TRAK1: variants seen among roughly 807,000 people sequenced by gnomAD.
TRAK1 encodes trafficking kinesin protein 1.
A neutral mutation model predicts 92.1 loss-of-function variants in TRAK1; 33 were observed. The ratio of observed to expected loss-of-function variants is 0.36; its 90% CI spans 0.27 to 0.48. The LOEUF (loss-of-function observed/expected upper bound fraction) is 0.48, where lower values mean the gene tolerates loss of function less well. TRAK1 is among the 20% of genes least tolerant of loss of function. TRAK1 has a pLI of 0.99. For missense variants in TRAK1, 1,123 were observed against 1,257.9 expected, an observed-to-expected ratio of 0.89 and a Z score of 1.62; for synonymous variants, 521 against 517.3, an observed-to-expected ratio of 1.01 and a Z score of -0.10.
rs540338355 is a variant in TRAK1, at chr3:42,104,824, C to T, written c.91+13264C>T. Among the ~76,000 whole-genome samples, 149 of 152,190 alleles carry T rather than the reference C, an allele frequency of 9.8e-4. 1 individual carries two copies. The Middle Eastern group carries it at 0.014, about 14-fold the overall frequency. On this transcript the variant is annotated intron_variant, in intron 1 of 15. Transcript: ENST00000327628. ...AAGGAATGCAGCTCCTCGCCAGCAACGGAACAAAGCTGGACAGAGAATGAC... is the reference window on the plus strand; with the variant it reads ...AAGGAATGCAGCTCCTCGCCAGCAATGGAACAAAGCTGGACAGAGAATGAC...
intron 1 of TRAK1, among the ~76,000 whole-genome samples, chr3:42,106,192 C>T (rs1260573148): frequency 6.6e-6 from 1 of 151,816 alleles, no homozygotes; most frequent in Non-Finnish European, 1.5e-5. Context: ...ATGTAAATGG[C>T]CTAAATGCCC....
intron 1 of TRAK1, among the ~76,000 whole-genome samples, chr3:42,058,085 T>C (rs1336532856): frequency 6.6e-6 from 1 of 152,200 alleles, no homozygotes; most frequent in African/African-American, 2.4e-5. Context: ...TGGCTGCTGC[T>C]TCTCTTACTG....
At chr3:42,035,879 GA>G (rs778731504) in intron 1 of TRAK1, among the ~76,000 whole-genome samples, 3 of 152,168 alleles carry the variant, frequency 2.0e-5, no homozygotes, top group Non-Finnish European at 4.4e-5. Flanking sequence ...CCTATATAGA[GA>G]ACTCTGCCCA....
intron 2 of TRAK1, among the ~76,000 whole-genome samples, chr3:42,158,961 A>AAAT (rs4016239): frequency 0.048 from 6,704 of 140,096 alleles, 174 homozygotes; most frequent in South Asian, 0.054. Flanking sequence ...TCTGTCTCAA[A>AAAT]AATAATAATA....
At position 42,225,464 on chromosome 3, in the gene TRAK1, G is replaced by A. The variant is rs1710686342; in HGVS notation, c.*1727G>A. 1 of 152,196 alleles carries A rather than the reference G, an allele frequency of 6.6e-6. No individual in the cohort carries two copies. Among genetic ancestry groups the A allele is most frequent in the South Asian group, 2.1e-4 (1 of 4,832 alleles). The allele number at this position is 152,196 out of a possible 1,614,324, so 9.4% of individuals were successfully genotyped here. On this transcript the variant is annotated 3_prime_UTR_variant, in exon 16 of 16. Transcript: ENST00000327628. ...CAGCTCTCCCTGCTGTTGTATGTGT[G>A]CATTCACTGCAAGTAACTTATATCT...
intron 1 of TRAK1, among the ~76,000 whole-genome samples, chr3:42,039,786 G>T (rs1027769149): frequency 1.3e-5 from 2 of 152,198 alleles, no homozygotes; most frequent in African/African-American, 2.4e-5. Context: ...GTTGGTCATA[G>T]AGGGACTGCC....
In TRAK1 at chr3:42,091,403, G is replaced by A; in HGVS notation, c.-67G>A. 6.7e-7 allele frequency: 1 copy of A among 1,482,654 alleles called. No individual in the cohort carries two copies. The highest frequency in any genetic ancestry group is 9.3e-7 in the Non-Finnish European group (1 of 1,073,878). 91.8% of individuals were successfully genotyped at this position (1,482,654 alleles called of 1,614,324 possible). A position where few individuals can be genotyped will look rare whatever the true frequency, so the allele number is the denominator to read the frequency against. ...CGGGAGGGTGGCTGTGCGAGGTACT[G>A]CCGGGGCTGAGCTCTCATGGAGGCT... On this transcript the variant is annotated 5_prime_UTR_variant, in exon 1 of 16. Transcript: ENST00000327628.
chr3:42,219,555 C>T lies in TRAK1; in HGVS notation c.2025C>T (p.Arg675=), dbSNP rs1209931539. The change falls in exon 15 of 16, where the codon CGC becomes CGT. Residue 675 remains arginine, a synonymous_variant. Transcript: ENST00000327628. The part of the protein sequence containing the change: ...TNSTFTFTTC[R]ILHPSDELTR... Reference sequence around the variant, plus strand: ...CCACCTTCACCTTCACCACCTGTCGCATCCTGCATCCTTCAGATGAGCTCA... The same window carrying T: ...CCACCTTCACCTTCACCACCTGTCGTATCCTGCATCCTTCAGATGAGCTCA... 1 of 1,553,402 alleles carries T rather than the reference C, an allele frequency of 6.4e-7. No homozygotes were observed. The highest frequency in any genetic ancestry group is 8.8e-7 in the Non-Finnish European group (1 of 1,141,228).
At chr3:42,060,767 G>A (rs1472440732) in intron 1 of TRAK1, among the ~76,000 whole-genome samples, 4 of 151,084 alleles carry the variant, frequency 2.6e-5, no homozygotes, top group South Asian at 2.1e-4. Context: ...AACTGGGATT[G>A]CATGTGCCCG....
At chr3:42,103,900 G>A (rs1466628503) in intron 1 of TRAK1, among the ~76,000 whole-genome samples, 2 of 152,124 alleles carry the variant, frequency 1.3e-5, no homozygotes, top group East Asian at 1.9e-4. Flanking sequence ...GCAAGGGGTC[G>A]GGGAATTCCC....
At chr3:42,045,596 G>A (rs77471246) in intron 1 of TRAK1, among the ~76,000 whole-genome samples, 11,277 of 152,250 alleles carry the variant, frequency 0.074, 485 homozygotes, top group Middle Eastern at 0.21. Context: ...GCATGGATCC[G>A]ATCCTAGGTG....
At chr3:42,186,238 T>C (rs990693503) in intron 4 of TRAK1, among the ~76,000 whole-genome samples, 1 of 152,170 alleles carries the variant, frequency 6.6e-6, no homozygotes, top group Non-Finnish European at 1.5e-5. Context: ...CGCCTTGGTC[T>C]CCCAAAATGC....
rs373421709 is a variant in TRAK1, at chr3:42,211,494, C to T, written c.1963+1509C>T. ...TACTGTCCCATTTTTGTCATCAGCA[C>T]CAGTGTCCGTCAGGAAGGCAGGTGG... On this transcript the variant is annotated intron_variant, in intron 14 of 15. Coordinates refer to ENST00000327628, the MANE Select transcript of TRAK1 (RefSeq NM_001042646.3). 351 of 985,354 alleles carry T rather than the reference C, an allele frequency of 3.6e-4. No homozygotes were observed. In the African/African-American group the frequency reaches 5.8e-3, roughly 16 times the overall value. The allele number at this position is 985,354 out of a possible 1,614,324, so 61.0% of individuals were successfully genotyped here.
intron 2 of TRAK1, among the ~76,000 whole-genome samples, chr3:42,144,918 A>G (rs1281145001): frequency 6.6e-6 from 1 of 152,210 alleles, no homozygotes; most frequent in Non-Finnish European, 1.5e-5. Flanking sequence ...GAAGTATTAC[A>G]TTTCTTCAAT....
At chr3:42,103,062 T>C (rs1341671362) in intron 1 of TRAK1, among the ~76,000 whole-genome samples, 1 of 152,238 alleles carries the variant, frequency 6.6e-6, no homozygotes, top group Non-Finnish European at 1.5e-5. Flanking sequence ...ACCAGTTCAG[T>C]TGGTGAATCT....
chr3:42,118,054 G>T (rs1358595583), intron 1 of TRAK1, among the ~76,000 whole-genome samples: 1 of 151,886 alleles, frequency 6.6e-6, no homozygotes, highest in Non-Finnish European at 1.5e-5. Context: ...TCCTGACCTT[G>T]TGATCCGCCC....
At chr3:42,174,291 T>C (rs974556764) in intron 2 of TRAK1, among the ~76,000 whole-genome samples, 1 of 152,188 alleles carries the variant, frequency 6.6e-6, no homozygotes, top group African/African-American at 2.4e-5. Context: ...TCCTTGTAAG[T>C]GGTAGATACA....
chr3:42,204,737 A>G (rs2149485661), intron 13 of TRAK1, among the ~76,000 whole-genome samples: 1 of 152,202 alleles, frequency 6.6e-6, no homozygotes, highest in South Asian at 2.1e-4. Flanking sequence ...GGACTGCACC[A>G]CCACACCTGG....
chr3:42,134,879 T>C (rs1177456394), intron 2 of TRAK1, among the ~76,000 whole-genome samples: 1 of 148,594 alleles, frequency 6.7e-6, no homozygotes, highest in African/African-American at 2.5e-5. Flanking sequence ...GCACCTGGCC[T>C]TTTTTTTTTC....
Sources: allele counts gnomAD v4.1 joint callset (sites outside exome capture counted in the v4.1 genomes callset), GRCh38; gene constraint gnomAD v4.1.1; transcripts MANE v1.5; gene names NCBI Gene and HGNC (gene_info 2026-07-23, HGNC 2026-07-21).